CAMK4: variants seen among roughly 807,000 people sequenced by gnomAD.
CAMK4 encodes the protein calcium/calmodulin-dependent protein kinase type IV.
Under a neutral mutation model 44.9 loss-of-function variants are expected in CAMK4, and 22 were observed. That is an observed-to-expected ratio of 0.49 (90% CI 0.35 to 0.70). CAMK4 has a LOEUF of 0.70. CAMK4 is among the 30% of genes least tolerant of loss of function. The pLI, the probability that CAMK4 is intolerant of heterozygous loss-of-function variation, is 0.01. For missense variants in CAMK4, 498 were observed against 586.8 expected (o/e 0.85, Z 1.56); for synonymous variants, 218 against 215.4 (o/e 1.01, Z -0.11).
intron 5 of CAMK4, among the ~76,000 whole-genome samples, chr5:111,406,018 G>T (rs10515428): frequency 0.37 from 56,191 of 151,464 alleles, 11,121 homozygotes; most frequent in South Asian, 0.5. Flanking sequence ...GGATCAATGA[G>T]AACTTTTCAT....
intron 5 of CAMK4, among the ~76,000 whole-genome samples, chr5:111,429,590 T>G (rs1753356701): frequency 6.6e-6 from 1 of 151,526 alleles, no homozygotes. Context: ...ATGGGCAACA[T>G]GGCGAAACCC....
At chr5:111,419,160 T>C (rs1040546287) in intron 5 of CAMK4, among the ~76,000 whole-genome samples, 1 of 152,232 alleles carries the variant, frequency 6.6e-6, no homozygotes, top group Admixed American at 6.5e-5. Context: ...TGGTATCTCA[T>C]TGTGGTTTTG....
chr5:111,421,804 C>T (rs533048533), intron 5 of CAMK4, among the ~76,000 whole-genome samples: 13 of 152,272 alleles, frequency 8.5e-5, no homozygotes, highest in African/African-American at 2.6e-4. Flanking sequence ...ATAATCCTCA[C>T]GTGTCATGGG....
At chr5:111,431,950 C>T (rs879915452) in intron 5 of CAMK4, among the ~76,000 whole-genome samples, 7 of 151,862 alleles carry the variant, frequency 4.6e-5, no homozygotes, top group African/African-American at 1.4e-4. Context: ...AGAACAGGTT[C>T]CTCAAAAAAC....
intron 5 of CAMK4, among the ~76,000 whole-genome samples, chr5:111,399,503 T>C (rs935254550): frequency 1.6e-4 from 25 of 152,238 alleles, no homozygotes; most frequent in African/African-American, 6.0e-4. Flanking sequence ...GTAGGAACTT[T>C]GTGCTGTTCA....
chr5:111,256,343 A>T (rs1749745456), intron 1 of CAMK4, among the ~76,000 whole-genome samples: 1 of 152,134 alleles, frequency 6.6e-6, no homozygotes, highest in Non-Finnish European at 1.5e-5. Context: ...TATTGTGGGG[A>T]TGTAATAGTT....
At chr5:111,408,330 C>T (rs1752510435) in intron 5 of CAMK4, among the ~76,000 whole-genome samples, 1 of 152,122 alleles carries the variant, frequency 6.6e-6, no homozygotes, top group Non-Finnish European at 1.5e-5. Context: ...GCTGGGGAGG[C>T]CTCACCATCA....
intron 1 of CAMK4, among the ~76,000 whole-genome samples, chr5:111,255,224 G>T (rs534383712): frequency 6.6e-6 from 1 of 152,144 alleles, no homozygotes; most frequent in African/African-American, 2.4e-5. Context: ...CCTGGTTCCT[G>T]AGCCTTATAA....
chr5:111,363,922 G>A (rs903922758), intron 2 of CAMK4, among the ~76,000 whole-genome samples: 1 of 152,122 alleles, frequency 6.6e-6, no homozygotes, highest in Non-Finnish European at 1.5e-5. Context: ...TATCATTCTG[G>A]ATGTTGTGTG....
intron 1 of CAMK4, among the ~76,000 whole-genome samples, chr5:111,338,847 C>G (rs1205151190): frequency 1.3e-5 from 2 of 151,250 alleles, no homozygotes; most frequent in Non-Finnish European, 3.0e-5. Flanking sequence ...CAGTACTATG[C>G]TGTTTTGGTT....
chr5:111,415,524 A>G (rs1320973263), intron 5 of CAMK4, among the ~76,000 whole-genome samples: 1 of 152,246 alleles, frequency 6.6e-6, no homozygotes, highest in African/African-American at 2.4e-5. Flanking sequence ...ACTAAGGTCT[A>G]CAGTAAAAAT....
intron 5 of CAMK4, among the ~76,000 whole-genome samples, chr5:111,394,990 C>G (rs1751942972): frequency 1.3e-5 from 2 of 151,984 alleles, no homozygotes; most frequent in African/African-American, 4.8e-5. Flanking sequence ...AGGCAGGTCA[C>G]TTAAGGTCAG....
chr5:111,360,889 T>C (rs1271537757), intron 2 of CAMK4, among the ~76,000 whole-genome samples: 1 of 152,034 alleles, frequency 6.6e-6, no homozygotes, highest in Admixed American at 6.6e-5. Flanking sequence ...TTATCAAACC[T>C]CAAATCATTA....
At chr5:111,318,188 A>G (rs1392671156) in intron 1 of CAMK4, among the ~76,000 whole-genome samples, 1 of 152,172 alleles carries the variant, frequency 6.6e-6, no homozygotes, top group East Asian at 1.9e-4. Context: ...ATGACACAAA[A>G]TGGCTTACTA....
At chr5:111,298,095 C>G (rs143563461) in intron 1 of CAMK4, among the ~76,000 whole-genome samples, 6 of 152,222 alleles carry the variant, frequency 3.9e-5, no homozygotes, top group African/African-American at 1.2e-4. Context: ...CAATTTTATT[C>G]TAAGCATCTG....
chr5:111,281,443 C>G (rs1016777529), intron 1 of CAMK4, among the ~76,000 whole-genome samples: 8 of 152,220 alleles, frequency 5.3e-5, no homozygotes, highest in African/African-American at 1.9e-4. Flanking sequence ...CCCATCCCCT[C>G]TCCCTTAATC....
At chr5:111,336,240 A>G (rs1580611843) in intron 1 of CAMK4, among the ~76,000 whole-genome samples, 1 of 151,356 alleles carries the variant, frequency 6.6e-6, no homozygotes, top group Non-Finnish European at 1.5e-5. Flanking sequence ...CCTCTAATGT[A>G]TAATCTCCTT....
chr5:111,453,894 G>A (rs1266601312), intron 7 of CAMK4, among the ~76,000 whole-genome samples: 2 of 152,104 alleles, frequency 1.3e-5, no homozygotes, highest in Admixed American at 6.5e-5. Context: ...TTGGCCCTGG[G>A]ATGACTAAGG....
rs1012878673 is a variant in CAMK4 at position 111,378,437 on chromosome 5, A to G, written c.386+1495A>G. ...TCTTCAAGAGCTTTCAAAAGTATTCATATTGTTTTTCAAAGGTTCTGTCTC... is the reference window on the plus strand; with the variant it reads ...TCTTCAAGAGCTTTCAAAAGTATTCGTATTGTTTTTCAAAGGTTCTGTCTC... On this transcript the variant is annotated intron_variant, in intron 4 of 10. Coordinates refer to ENST00000282356, the MANE Select transcript of CAMK4 (RefSeq NM_001744.6). Among the ~76,000 whole-genome samples the G allele has an allele frequency of 3.9e-5, 6 of 152,234 alleles. No individual in the cohort carries two copies. In the South Asian group the frequency reaches 8.3e-4, roughly 21 times the overall value.
Sources: gnomAD v4.1 joint callset for allele counts (sites outside exome capture counted in the v4.1 genomes callset) on GRCh38, gnomAD v4.1.1 for gene constraint, MANE v1.5 for transcripts, NCBI Gene and HGNC (gene_info 2026-07-23, HGNC 2026-07-21) for gene names.